The following MICALL1 variants were observed in gnomAD, a reference collection of about 807,000 sequenced individuals.
MICALL1 encodes MICAL like 1.
Under a neutral mutation model 83.7 loss-of-function variants are expected in MICALL1, and 61 were observed. The ratio of observed to expected loss-of-function variants is 0.73; its 90% CI spans 0.59 to 0.90. The LOEUF is 0.90. Ranked by LOEUF, MICALL1 falls within the 40% of genes least tolerant of loss-of-function variation. MICALL1 has a pLI of 0.00. For synonymous variants in MICALL1, 481 were observed against 473.6 expected, an observed-to-expected ratio of 1.02 and a Z score of -0.20; for missense variants, 1,066 against 1,152.0, an observed-to-expected ratio of 0.93 and a Z score of 1.08.
chr22:37,937,243 C>A, intron 14 of MICALL1, 49 bp downstream of exon 14: 1 of 1,432,100 alleles, frequency 7.0e-7, no homozygotes, highest in South Asian at 1.2e-5. Flanking sequence ...CAGAGCAGGT[C>A]AGGCTCTGGG....
intron 13 of MICALL1, among the ~76,000 whole-genome samples, chr22:37,936,584 T>C (rs2145953293): frequency 1.3e-5 from 2 of 152,276 alleles, no homozygotes; most frequent in Admixed American, 1.3e-4. Context: ...GTCACAACTT[T>C]CTTTTCCCTA....
intron 9 of MICALL1, among the ~76,000 whole-genome samples, chr22:37,928,310 C>T (rs900598875): frequency 6.6e-6 from 1 of 152,000 alleles, no homozygotes; most frequent in African/African-American, 2.4e-5. Context: ...AGGTTCACAC[C>T]ATTCTTCTGT....
Position 37,936,946 on chromosome 22 carries a change from C to T in MICALL1, c.2309-134C>T, listed in dbSNP as rs1930160909. 3.7e-5 allele frequency: 25 copies of T among 677,360 alleles called. 1 individual carries two copies. In the South Asian group the frequency reaches 5.3e-4, roughly 14 times the overall value. 42.0% of individuals were successfully genotyped at this position (677,360 alleles called of 1,614,324 possible). ...TAAGCCCCACCTATCGGGGCCCTTCCTTTCTGCGCTTAGTTTCTTGCATGG... is the reference window on the plus strand; with the variant it reads ...TAAGCCCCACCTATCGGGGCCCTTCTTTTCTGCGCTTAGTTTCTTGCATGG... On this transcript the variant is annotated intron_variant, in intron 13 of 15. Coordinates refer to ENST00000215957, the MANE Select transcript of MICALL1 (RefSeq NM_033386.4).
intron 13 of MICALL1, among the ~76,000 whole-genome samples, chr22:37,933,648 A>G (rs1929925300): frequency 6.6e-6 from 1 of 152,086 alleles, no homozygotes; most frequent in African/African-American, 2.4e-5. Flanking sequence ...GGGTTTGGTG[A>G]GGAGGGCTCC....
rs1364156535 is a variant in MICALL1 at position 37,906,634 on chromosome 22, CT to C, written c.146+67del. On this transcript the variant is annotated intron_variant, in intron 1 of 15. Transcript: ENST00000215957. The surrounding 1 kb of genome is among the most constrained non-coding windows in gnomAD (Gnocchi z 4.4). ...GCTGGGGCCGCGACCGCCGCCCCCCCTCAGTAACACGAAGCCCGGGCGGTGA... is the reference window on the plus strand; with the variant it reads ...GCTGGGGCCGCGACCGCCGCCCCCCCCAGTAACACGAAGCCCGGGCGGTGA... The C allele has an allele frequency of 3.5e-6, 4 of 1,131,200 alleles. No individual in the cohort carries two copies. The highest frequency in any genetic ancestry group is 2.2e-6 in the Non-Finnish European group (2 of 920,744). 70.1% of individuals were successfully genotyped at this position (1,131,200 alleles called of 1,614,324 possible).
chr22:37,924,737 G>C lies in MICALL1; in HGVS notation c.1082+20G>C. ...CGAGGGGTATGTCGATCCCTGAGGGGCTTTCCTGCTTTGGAGGTCCTGGTG... is the reference window on the plus strand; with the variant it reads ...CGAGGGGTATGTCGATCCCTGAGGGCCTTTCCTGCTTTGGAGGTCCTGGTG... On this transcript the variant is annotated intron_variant, in intron 7 of 15. Transcript: ENST00000215957. The surrounding 1 kb of genome is among the most constrained non-coding windows in gnomAD (Gnocchi z 5.2). 1.2e-6 allele frequency: 2 copies of C among 1,609,794 alleles called. No individual in the cohort carries two copies. Among genetic ancestry groups the C allele is most frequent in the Non-Finnish European group, 1.7e-6 (2 of 1,177,724 alleles).
rs757043509 is a variant in MICALL1 at position 37,922,114 on chromosome 22, AAGC to A, written c.720_722del (p.Gln240del). ...CAGGCCTGGGCCCTTCTCACAGCCAAAGCAGCAGCACCAGCAGCAACTCGCAGA... is the reference window on the plus strand; with the variant it reads ...CAGGCCTGGGCCCTTCTCACAGCCAAAGCAGCACCAGCAGCAACTCGCAGA... On this transcript the variant is annotated inframe_deletion, in exon 6 of 16. Transcript: ENST00000215957. 6.2e-7 allele frequency: 1 copy of A among 1,613,270 alleles called. No homozygotes were observed. The highest frequency in any genetic ancestry group is 1.1e-5 in the South Asian group (1 of 91,084).
intron 1 of MICALL1, among the ~76,000 whole-genome samples, chr22:37,911,492 A>G (rs1928319214): frequency 6.6e-6 from 1 of 152,208 alleles, no homozygotes; most frequent in African/African-American, 2.4e-5. Flanking sequence ...CATCTATAAA[A>G]TGAGATCAAT....
rs1381558791 is a variant in MICALL1 at position 37,924,018 on chromosome 22, TGA to T, written c.1025-639_1025-638del. 6.6e-6 allele frequency among the ~76,000 whole-genome samples: 1 copy of T among 152,196 alleles called. No homozygotes were observed. Among genetic ancestry groups the T allele is most frequent in the Non-Finnish European group, 1.5e-5 (1 of 68,026 alleles). On this transcript the variant is annotated intron_variant, in intron 6 of 15. Coordinates refer to ENST00000215957, the MANE Select transcript of MICALL1 (RefSeq NM_033386.4). This position sits in a 1 kb window ranked among gnomAD's most constrained non-coding sequence, Gnocchi z 5.2. ...CTGGGTTTCCGTGAGCTTGTAGGAT[TGA>T]GACTCCTTGTATAAGGCTGCTGGGC... is the stretch of plus-strand genomic sequence containing the variant.
At chr22:37,910,442 C>T (rs1413749358) in intron 1 of MICALL1, among the ~76,000 whole-genome samples, 1 of 152,034 alleles carries the variant, frequency 6.6e-6, no homozygotes, top group Non-Finnish European at 1.5e-5. Flanking sequence ...TGGTGTTTTC[C>T]TCGCCCTGTT....
Position 37,906,495 on chromosome 22 carries a change from C to G in MICALL1, c.73C>G (p.Arg25Gly). The G allele has an allele frequency of 8.0e-7, 1 of 1,257,466 alleles. No homozygotes were observed. Among genetic ancestry groups the G allele is most frequent in the Non-Finnish European group, 1.0e-6 (1 of 989,730 alleles). The allele number at this position is 1,257,466 out of a possible 1,614,324, so 77.9% of individuals were successfully genotyped here. Residue 25 changes from arginine to glycine, a missense_variant, in exon 1 of 16, where the codon CGC (arginine) becomes GGC (glycine). Physicochemically the swap from Arg to Gly is moderately radical, Grantham distance 125. Transcript: ENST00000215957. The surrounding 1 kb of genome is among the most constrained non-coding windows in gnomAD (Gnocchi z 4.4). Reference protein sequence around the residue: ...QCEGYRGVEIRDLSSSFRDGL... With the variant: ...QCEGYRGVEIGDLSSSFRDGL... ...CGAGGGCTACCGCGGCGTGGAGATC[C>G]GCGACCTGAGCAGCTCCTTCCGGGA...
At chr22:37,920,692 CGGGTGGATCACGAGGTCAGGAGATCGAAG>C (rs1928974065) in intron 5 of MICALL1, among the ~76,000 whole-genome samples, 1 of 151,860 alleles carries the variant, frequency 6.6e-6, no homozygotes, top group Non-Finnish European at 1.5e-5. Context: ...GAGGCCGAGG[CGGGTGGATCACGAGGTCAGGAGATCGAAG>C]CCATCCTGGC....
At chr22:37,936,830 T>G (rs1930149722) in intron 13 of MICALL1, among the ~76,000 whole-genome samples, 2 of 151,104 alleles carry the variant, frequency 1.3e-5, no homozygotes, top group Non-Finnish European at 2.9e-5. Context: ...AGGCGGAGCC[T>G]GCAGTGAGCC....
At position 37,924,697 on chromosome 22, in the gene MICALL1, G is replaced by A. The variant is rs574270808; in HGVS notation, c.1062G>A (p.Gly354=). The change falls in exon 7 of 16, where the codon GGG becomes GGA. Residue 354 remains glycine, a synonymous_variant. Transcript: ENST00000215957. The surrounding 1 kb of genome is among the most constrained non-coding windows in gnomAD (Gnocchi z 5.2). The part of the protein sequence containing the change: ...LHELPVPKPR[G]TPKPSEGTPA... ...AACTGCCTGTCCCCAAGCCGAGGGGGACACCGAAGCCGTCCGAGGGGTATG... is the reference window on the plus strand; with the variant it reads ...AACTGCCTGTCCCCAAGCCGAGGGGAACACCGAAGCCGTCCGAGGGGTATG... 2.5e-6 allele frequency: 4 copies of A among 1,612,412 alleles called. No individual in the cohort carries two copies. The African/African-American group carries it at 4.0e-5, about 16-fold the overall frequency.
In MICALL1 at chr22:37,930,496, C is replaced by T. The variant is rs1929730748; in HGVS notation, c.1882-1303C>T. Among the ~76,000 whole-genome samples the T allele has an allele frequency of 6.6e-6, 1 of 152,254 alleles. No individual in the cohort carries two copies. The highest frequency in any genetic ancestry group is 6.5e-5 in the Admixed American group (1 of 15,290). Reference sequence around the variant, plus strand: ...CTGGGCTGGCACAGGCCTCCACCTGCTCCGCAGCTGCCGAGGGAAAGCTGG... The same window carrying T: ...CTGGGCTGGCACAGGCCTCCACCTGTTCCGCAGCTGCCGAGGGAAAGCTGG... On this transcript the variant is annotated intron_variant, in intron 9 of 15. Coordinates refer to ENST00000215957, the MANE Select transcript of MICALL1 (RefSeq NM_033386.4). This position sits in a 1 kb window ranked among gnomAD's most constrained non-coding sequence, Gnocchi z 4.8.
chr22:37,937,651 T>C, intron 14 of MICALL1, 95 bp from the exon 15 acceptor site: 2 of 1,304,932 alleles, frequency 1.5e-6, no homozygotes, highest in Non-Finnish European at 2.2e-6. Context: ...CTCGAACTCC[T>C]GACTTCAGGT....
intron 5 of MICALL1, among the ~76,000 whole-genome samples, chr22:37,921,624 T>C (rs1389764774): frequency 6.6e-6 from 1 of 152,046 alleles, no homozygotes; most frequent in Non-Finnish European, 1.5e-5. Flanking sequence ...CAACACCTGA[T>C]TGGGTAAAAA....
intron 15 of MICALL1, among the ~76,000 whole-genome samples, chr22:37,938,994 G>A (rs1275075079): frequency 6.6e-6 from 1 of 152,124 alleles, no homozygotes; most frequent in East Asian, 1.9e-4. Context: ...GGCCTCAAGC[G>A]ATCTGCCCAC....
chr22:37,908,753 C>T (rs1170816436), intron 1 of MICALL1, among the ~76,000 whole-genome samples: 2 of 152,194 alleles, frequency 1.3e-5, no homozygotes, highest in Non-Finnish European at 1.5e-5. Flanking sequence ...CGTGTATAAA[C>T]GATGATGGCA....
Sources: allele counts gnomAD v4.1 joint callset (sites outside exome capture counted in the v4.1 genomes callset), GRCh38; gene constraint gnomAD v4.1.1; non-coding constraint Gnocchi (gnomAD v3.1); transcripts MANE v1.5; gene names NCBI Gene and HGNC (gene_info 2026-07-23, HGNC 2026-07-21).